The following UNC5D variants were observed in gnomAD, a reference collection of about 807,000 sequenced individuals.
UNC5D encodes unc-5 netrin receptor D.
In UNC5D, 39 loss-of-function variants were observed where a neutral mutation model predicts 105.4. The ratio of observed to expected loss-of-function variants is 0.37; its 90% CI spans 0.29 to 0.48. UNC5D has a LOEUF of 0.48. Ranked by LOEUF, UNC5D falls within the 20% of genes least tolerant of loss-of-function variation. The pLI is 0.98. For synonymous variants in UNC5D, 452 were observed against 450.4 expected (o/e 1.00, Z -0.04); for missense variants, 991 against 1,202.4 (o/e 0.82, Z 2.60).
At chr8:35,507,792 C>T (rs976268642) in intron 1 of UNC5D, among the ~76,000 whole-genome samples, 2 of 152,112 alleles carry the variant, frequency 1.3e-5, no homozygotes, top group African/African-American at 4.8e-5. Flanking sequence ...AGGATAAATG[C>T]TTGAGGGGAT....
intron 4 of UNC5D, among the ~76,000 whole-genome samples, chr8:35,600,747 GT>G (rs1819814814): frequency 6.6e-6 from 1 of 152,148 alleles, no homozygotes; most frequent in Non-Finnish European, 1.5e-5. Context: ...CATTCTGTAG[GT>G]TGCCTGTTCA....
intron 1 of UNC5D, among the ~76,000 whole-genome samples, chr8:35,306,138 T>A (rs918081504): frequency 6.6e-6 from 1 of 151,850 alleles, no homozygotes; most frequent in Non-Finnish European, 1.5e-5. Flanking sequence ...GAATTTGTCT[T>A]AAACTATACA....
intron 1 of UNC5D, among the ~76,000 whole-genome samples, chr8:35,237,516 G>C (rs4739396): frequency 0.45 from 68,058 of 151,834 alleles, 15,676 homozygotes; most frequent in East Asian, 0.68. Context: ...GGTTGGTGAC[G>C]TTGTCTTGAA....
chr8:35,519,728 A>T (rs1004490288), intron 1 of UNC5D, among the ~76,000 whole-genome samples: 1 of 152,108 alleles, frequency 6.6e-6, no homozygotes, highest in Non-Finnish European at 1.5e-5. Flanking sequence ...AACTCAAAAT[A>T]CATGCATTGA....
chr8:35,527,419 C>T (rs1813953422), intron 1 of UNC5D, among the ~76,000 whole-genome samples: 1 of 152,110 alleles, frequency 6.6e-6, no homozygotes, highest in Non-Finnish European at 1.5e-5. Flanking sequence ...CTAAGAAGTC[C>T]ATGACAAAAG....
chr8:35,650,016 C>T (rs540124854), intron 4 of UNC5D, among the ~76,000 whole-genome samples: 2 of 152,200 alleles, frequency 1.3e-5, no homozygotes, highest in South Asian at 4.1e-4. Context: ...AATATGTTAA[C>T]ATCAGTGGAA....
chr8:35,289,176 C>A (rs1054391266), intron 1 of UNC5D, among the ~76,000 whole-genome samples: 3 of 151,906 alleles, frequency 2.0e-5, no homozygotes, highest in Admixed American at 6.6e-5. Context: ...GTATTCCATG[C>A]AAATGGAAAC....
intron 1 of UNC5D, among the ~76,000 whole-genome samples, chr8:35,262,019 C>G (rs536392335): frequency 5.3e-5 from 8 of 152,196 alleles, no homozygotes; most frequent in African/African-American, 1.9e-4. Flanking sequence ...CAAATAATAC[C>G]TCCGTGGTAC....
chr8:35,442,086 A>T (rs187360329), intron 1 of UNC5D, among the ~76,000 whole-genome samples: 1 of 151,932 alleles, frequency 6.6e-6, no homozygotes, highest in East Asian at 1.9e-4. Context: ...CTTTCATTTT[A>T]TTTTTCTTCC....
intron 1 of UNC5D, among the ~76,000 whole-genome samples, chr8:35,318,043 G>A (rs991158881): frequency 1.3e-4 from 19 of 151,944 alleles, no homozygotes; most frequent in African/African-American, 3.9e-4. Flanking sequence ...TTGCATAAGA[G>A]ATACTCTGTC....
At chr8:35,787,970 G>A (rs1358199571) in intron 16 of UNC5D, among the ~76,000 whole-genome samples, 1 of 151,954 alleles carries the variant, frequency 6.6e-6, no homozygotes, top group African/African-American at 2.4e-5. Context: ...TATTAGTATA[G>A]CAATGAATAA....
intron 4 of UNC5D, among the ~76,000 whole-genome samples, chr8:35,631,313 C>CAAAA (rs34641053): frequency 1.5e-4 from 22 of 145,770 alleles, no homozygotes; most frequent in African/African-American, 5.3e-4. Flanking sequence ...GACCCTGTCT[C>CAAAA]AAAAAAAAAA....
At chr8:35,305,885 C>A (rs12115168) in intron 1 of UNC5D, among the ~76,000 whole-genome samples, 3,049 of 106,494 alleles carry the variant, frequency 0.029, 128 homozygotes, top group African/African-American at 0.1. Context: ...TTCTTTCTTT[C>A]TTTCTTTTTC....
intron 14 of UNC5D, among the ~76,000 whole-genome samples, chr8:35,761,331 G>C (rs1053352445): frequency 2.0e-5 from 3 of 151,244 alleles, no homozygotes; most frequent in African/African-American, 4.9e-5. Context: ...AATGCTTGGA[G>C]ATAAAAAATC....
At chr8:35,654,531 C>G (rs1311099266) in intron 4 of UNC5D, among the ~76,000 whole-genome samples, 2 of 152,184 alleles carry the variant, frequency 1.3e-5, no homozygotes, top group Non-Finnish European at 2.9e-5. Flanking sequence ...AATGCCTGCT[C>G]TTAGGCTCAC....
intron 2 of UNC5D, among the ~76,000 whole-genome samples, chr8:35,566,811 C>T (rs368745673): frequency 2.6e-5 from 4 of 152,120 alleles, no homozygotes; most frequent in Admixed American, 2.0e-4. Flanking sequence ...TTCTCCCAAC[C>T]GGCCTATCCT....
At chr8:35,596,284 C>T (rs569499119) in intron 4 of UNC5D, among the ~76,000 whole-genome samples, 3 of 152,146 alleles carry the variant, frequency 2.0e-5, no homozygotes, top group East Asian at 3.9e-4. Flanking sequence ...CCTTACTATT[C>T]GAATATAATT....
rs199932391 is a variant in UNC5D at position 35,305,394 on chromosome 8, CAG to C, written c.103+69513_103+69514del. Among the ~76,000 whole-genome samples, 768 of 152,080 alleles carry C rather than the reference CAG, an allele frequency of 5.0e-3. 5 individuals carry two copies. The highest frequency in any genetic ancestry group is 0.017 in the African/African-American group (720 of 41,504). Reference sequence around the variant, plus strand: ...AATTAAATAGATGGGGTTCAAAAAACAGAGAGACCATCTAAAGTCCTTTATAT... The same window carrying C: ...AATTAAATAGATGGGGTTCAAAAAACAGAGACCATCTAAAGTCCTTTATAT... On this transcript the variant is annotated intron_variant, in intron 1 of 16. Coordinates refer to ENST00000404895, the MANE Select transcript of UNC5D (RefSeq NM_080872.4).
intron 11 of UNC5D, among the ~76,000 whole-genome samples, chr8:35,747,221 A>T (rs1830054085): frequency 6.6e-6 from 1 of 152,202 alleles, no homozygotes; most frequent in Non-Finnish European, 1.5e-5. Flanking sequence ...ATGCTCCTCA[A>T]TTATATGGCT....
Sources: gnomAD v4.1 joint callset for allele counts (sites outside exome capture counted in the v4.1 genomes callset) on GRCh38, gnomAD v4.1.1 for gene constraint, MANE v1.5 for transcripts, NCBI Gene and HGNC (gene_info 2026-07-23, HGNC 2026-07-21) for gene names.